SPATA17: variants seen among roughly 807,000 people sequenced by gnomAD.
SPATA17 encodes spermatogenesis-associated protein 17.
A neutral mutation model predicts 62.2 loss-of-function variants in SPATA17; 53 were observed. The ratio of observed to expected loss-of-function variants is 0.85; its 90% CI spans 0.68 to 1.07. The LOEUF is 1.07. SPATA17 is among the 50% of genes least tolerant of loss of function. The pLI, the probability that SPATA17 is intolerant of heterozygous loss-of-function variation, is 0.00. For missense variants in SPATA17, 466 were observed against 425.5 expected, an observed-to-expected ratio of 1.10 and a Z score of -0.84; for synonymous variants, 146 against 146.8, an observed-to-expected ratio of 0.99 and a Z score of 0.04.
chr1:217,861,862 G>A (rs1203036740), intron 9 of SPATA17, among the ~76,000 whole-genome samples: 1 of 151,928 alleles, frequency 6.6e-6, no homozygotes, highest in African/African-American at 2.4e-5. Flanking sequence ...CTTTTCCCTG[G>A]GGCTTGAAAA....
chr1:217,659,029 G>C (rs1312602185), intron 3 of SPATA17, among the ~76,000 whole-genome samples: 1 of 152,124 alleles, frequency 6.6e-6, no homozygotes, highest in Non-Finnish European at 1.5e-5. Context: ...ATTACTGCCT[G>C]GGGGGAAGAG....
At chr1:217,669,916 G>A (rs1385626890) in intron 4 of SPATA17, among the ~76,000 whole-genome samples, 2 of 151,998 alleles carry the variant, frequency 1.3e-5, no homozygotes, top group African/African-American at 4.8e-5. Context: ...TCAGGTGAGC[G>A]TGCTGGTAGT....
At position 217,870,004 on chromosome 1, in the gene SPATA17, A is replaced by G. The variant is rs1294638977; in HGVS notation, c.*2985A>G. On this transcript the variant is annotated 3_prime_UTR_variant, in exon 11 of 11. Transcript: ENST00000366933. Reference sequence around the variant, plus strand: ...CAAGACTTGGTTATTGTTAAAGCTGATGATTGGCTGTATGAAGATTTACTA... The same window carrying G: ...CAAGACTTGGTTATTGTTAAAGCTGGTGATTGGCTGTATGAAGATTTACTA... The G allele has an allele frequency of 6.6e-6, 1 of 152,230 alleles. No individual in the cohort carries two copies. The highest frequency in any genetic ancestry group is 1.5e-5 in the Non-Finnish European group (1 of 68,040). 9.4% of individuals were successfully genotyped at this position (152,230 alleles called of 1,614,324 possible). A position where few individuals can be genotyped will look rare whatever the true frequency, so the allele number is the denominator to read the frequency against.
chr1:217,853,305 A>G (rs1675706552), intron 9 of SPATA17, among the ~76,000 whole-genome samples: 2 of 152,194 alleles, frequency 1.3e-5, no homozygotes, highest in African/African-American at 4.8e-5. Context: ...AATGAAAATT[A>G]TTTCATATTA....
At chr1:217,712,481 T>G (rs1042635223) in intron 5 of SPATA17, among the ~76,000 whole-genome samples, 1 of 152,106 alleles carries the variant, frequency 6.6e-6, no homozygotes, top group Non-Finnish European at 1.5e-5. Flanking sequence ...TTTTCTTTTC[T>G]TTATCCTTCA....
chr1:217,711,300 G>A (rs759736348), intron 5 of SPATA17, among the ~76,000 whole-genome samples: 20 of 152,138 alleles, frequency 1.3e-4, no homozygotes, highest in South Asian at 4.1e-4. Flanking sequence ...TTCCCACCCC[G>A]CACTGCCAAG....
chr1:217,696,814 T>G (rs1671471581), intron 5 of SPATA17, among the ~76,000 whole-genome samples: 1 of 152,126 alleles, frequency 6.6e-6, no homozygotes, highest in East Asian at 1.9e-4. Flanking sequence ...CTATCTTCCT[T>G]AAGCTATGAG....
chr1:217,699,361 A>G (rs1301368735), intron 5 of SPATA17, among the ~76,000 whole-genome samples: 1 of 152,142 alleles, frequency 6.6e-6, no homozygotes, highest in East Asian at 1.9e-4. Flanking sequence ...TGTCTTCACC[A>G]GTATTTATTA....
chr1:217,782,635 C>T (rs1205167196), intron 8 of SPATA17, among the ~76,000 whole-genome samples: 2 of 151,876 alleles, frequency 1.3e-5, no homozygotes, highest in African/African-American at 2.4e-5. Flanking sequence ...ATTTATGAAA[C>T]GCCTAAAATA....
chr1:217,649,605 G>C (rs1035921466), intron 2 of SPATA17, among the ~76,000 whole-genome samples: 3 of 152,132 alleles, frequency 2.0e-5, no homozygotes, highest in African/African-American at 7.2e-5. Context: ...TGGTAAGAAA[G>C]GGGGAAAAAG....
At chr1:217,863,110 A>C (rs1675930629) in intron 10 of SPATA17, among the ~76,000 whole-genome samples, 1 of 149,130 alleles carries the variant, frequency 6.7e-6, no homozygotes, top group Admixed American at 6.9e-5. Flanking sequence ...AAAATCTAAA[A>C]TACTCTTTCT....
intron 4 of SPATA17, among the ~76,000 whole-genome samples, chr1:217,672,672 A>T (rs1482478679): frequency 1.3e-5 from 2 of 152,090 alleles, no homozygotes; most frequent in East Asian, 3.9e-4. Context: ...CTTTTATGTA[A>T]TATTTATTAA....
At chr1:217,709,030 C>T (rs1212080773) in intron 5 of SPATA17, among the ~76,000 whole-genome samples, 1 of 152,028 alleles carries the variant, frequency 6.6e-6, no homozygotes, top group Non-Finnish European at 1.5e-5. Context: ...ATTGAAGGAA[C>T]ATACTTCAAA....
chr1:217,751,065 G>C (rs957473821), intron 6 of SPATA17, among the ~76,000 whole-genome samples: 1 of 152,086 alleles, frequency 6.6e-6, no homozygotes, highest in Non-Finnish European at 1.5e-5. Context: ...GATATGCGCT[G>C]GTTTTTCATT....
intron 9 of SPATA17, among the ~76,000 whole-genome samples, chr1:217,844,255 G>A (rs970899801): frequency 1.3e-5 from 2 of 152,062 alleles, no homozygotes; most frequent in African/African-American, 4.8e-5. Flanking sequence ...ACTTTTATAG[G>A]AAGCAGTAAG....
intron 3 of SPATA17, among the ~76,000 whole-genome samples, chr1:217,665,742 G>T (rs536670978): frequency 6.6e-6 from 1 of 152,116 alleles, no homozygotes; most frequent in African/African-American, 2.4e-5. Context: ...AACCTCTGTG[G>T]TCTAATTCCA....
chr1:217,681,214 A>C (rs889888777), intron 4 of SPATA17, among the ~76,000 whole-genome samples: 4 of 151,112 alleles, frequency 2.6e-5, no homozygotes, highest in African/African-American at 9.7e-5. Flanking sequence ...TGACAGAGCG[A>C]GACTCTGTCT....
chr1:217,782,245 A>G lies in SPATA17; in HGVS notation c.795A>G (p.Ala265=), dbSNP rs747627639. 6.2e-7 allele frequency: 1 copy of G among 1,613,018 alleles called. No individual in the cohort carries two copies. ...YRPLEPTLRV[A]EPIDELKLAR... is the part of the protein sequence containing the mutation. Reference sequence around the variant, plus strand: ...CTTTGGAGCCAACGTTGCGGGTGGCAGAACCAATCGATGAGTTAAAGTTGG... The same window carrying G: ...CTTTGGAGCCAACGTTGCGGGTGGCGGAACCAATCGATGAGTTAAAGTTGG... The change falls in exon 8 of 11, where the codon GCA becomes GCG. Residue 265 remains alanine, a synonymous_variant. Transcript: ENST00000366933.
At chr1:217,783,339 A>G (rs1384219916) in intron 8 of SPATA17, among the ~76,000 whole-genome samples, 2 of 151,994 alleles carry the variant, frequency 1.3e-5, no homozygotes, top group Admixed American at 6.6e-5. Flanking sequence ...TTACACAAAC[A>G]TATCAAAGAC....
Sources: allele counts gnomAD v4.1 joint callset (sites outside exome capture counted in the v4.1 genomes callset), GRCh38; gene constraint gnomAD v4.1.1; transcripts MANE v1.5; gene names NCBI Gene and HGNC (gene_info 2026-07-23, HGNC 2026-07-21).